The following EVC2 variants were observed in gnomAD, a reference collection of about 807,000 sequenced individuals.
EVC2 encodes EvC ciliary complex subunit 2.
In EVC2, 148 loss-of-function variants were observed where a neutral mutation model predicts 149.3. The ratio of observed to expected loss-of-function variants is 0.99; its 90% CI spans 0.87 to 1.14. EVC2 has a LOEUF of 1.14. Ranked by LOEUF, EVC2 falls within the 50% of genes most tolerant of loss-of-function variation. EVC2 has a pLI of 0.00. For synonymous variants in EVC2, 776 were observed against 649.9 expected, an observed-to-expected ratio of 1.19 and a Z score of -2.95; for missense variants, 1,854 against 1,627.3, an observed-to-expected ratio of 1.14 and a Z score of -2.40.
At chr4:5,660,426 T>C (rs1037545920) in intron 9 of EVC2, among the ~76,000 whole-genome samples, 1 of 152,232 alleles carries the variant, frequency 6.6e-6, no homozygotes, top group African/African-American at 2.4e-5. Context: ...AGTTAAGTAG[T>C]TGCTCCTGAA....
At chr4:5,675,931 C>A (rs981707313) in intron 7 of EVC2, among the ~76,000 whole-genome samples, 7 of 152,174 alleles carry the variant, frequency 4.6e-5, no homozygotes, top group African/African-American at 1.4e-4. Context: ...GCAACAAGAG[C>A]AAAACTCCAT....
chr4:5,595,173 A>T (rs1229919824), intron 16 of EVC2, among the ~76,000 whole-genome samples: 1 of 152,204 alleles, frequency 6.6e-6, no homozygotes, highest in African/African-American at 2.4e-5. Context: ...AACTTCCCCA[A>T]TCTAGCAAGG....
chr4:5,564,819 G>A (rs151326740), intron 21 of EVC2, among the ~76,000 whole-genome samples: 336 of 152,248 alleles, frequency 2.2e-3, no homozygotes, highest in African/African-American at 7.2e-3. Flanking sequence ...GAAAATAAAG[G>A]GGGCAGTGAG....
At chr4:5,561,018 G>A (rs112519703), downstream of EVC2, among the ~76,000 whole-genome samples, 2,629 of 152,264 alleles carry the variant, frequency 0.017, 64 homozygotes, top group African/African-American at 0.059. Flanking sequence ...TCAAATGCTA[G>A]ATTTTGAGCA....
At chr4:5,675,908 C>G (rs1719954456) in intron 7 of EVC2, among the ~76,000 whole-genome samples, 1 of 152,222 alleles carries the variant, frequency 6.6e-6, no homozygotes, top group African/African-American at 2.4e-5. Context: ...CGCGCCATTG[C>G]ACTTCAGCCT....
chr4:5,565,039 G>T (rs1444494950), intron 21 of EVC2, among the ~76,000 whole-genome samples: 3 of 152,212 alleles, frequency 2.0e-5, no homozygotes, highest in Non-Finnish European at 4.4e-5. Context: ...GAATGTAAAT[G>T]TTAATAAATG....
At chr4:5,616,072 C>G (rs979230696) in intron 15 of EVC2, among the ~76,000 whole-genome samples, 2 of 152,194 alleles carry the variant, frequency 1.3e-5, no homozygotes, top group Admixed American at 1.3e-4. Flanking sequence ...GGCAGGGAGC[C>G]CATCAGGCAC....
chr4:5,700,551 G>A lies in EVC2; in HGVS notation c.229-2904C>T, dbSNP rs185515012. Among the ~76,000 whole-genome samples, 7 of 152,232 alleles carry A rather than the reference G, an allele frequency of 4.6e-5. 1 individual carries two copies. The East Asian group carries it at 1.4e-3, about 29-fold the overall frequency. On this transcript the variant is annotated intron_variant, in intron 1 of 21. Coordinates refer to ENST00000344408, the MANE Select transcript of EVC2 (RefSeq NM_147127.5). ...TGGACATTGCCACTCAGGAGGAAGG[G>A]GCAGGTTCCCAGGGAGCAAAGGACC...
rs1720338647 is a variant in EVC2 at position 5,681,438 on chromosome 4, C to T, written c.817-125G>A. On this transcript the variant is annotated intron_variant, in intron 6 of 21. Coordinates refer to ENST00000344408, the MANE Select transcript of EVC2 (RefSeq NM_147127.5). ...AATCAGCCCTAACTGCTGCACAGGT[C>T]AGAGCTTGTGAAGGTCTCACCATCA... The T allele has an allele frequency of 1.4e-5, 14 of 966,342 alleles. No homozygotes were observed. The South Asian group carries it at 1.5e-4, about 10-fold the overall frequency. The allele number at this position is 966,342 out of a possible 1,614,324, so 59.9% of individuals were successfully genotyped here.
Position 5,706,373 on chromosome 4 carries a change from GATAGATAC to G in EVC2, c.228+1905_228+1912del, listed in dbSNP as rs1432567867. ...AGATAGACACATAGATAGATACATA[GATAGATAC>G]ATAGATAGATACATAGATAGATAGA... On this transcript the variant is annotated intron_variant, in intron 1 of 21. Transcript: ENST00000344408. Among the ~76,000 whole-genome samples, 232 of 90,050 alleles carry G rather than the reference GATAGATAC, an allele frequency of 2.6e-3. 24 individuals carry two copies. Among genetic ancestry groups the G allele is most frequent in the Non-Finnish European group, 3.3e-3 (143 of 42,722 alleles). The allele number at this position is 90,050 out of a possible 152,430, so 59.1% of individuals were successfully genotyped here. A position where few individuals can be genotyped will look rare whatever the true frequency, so the allele number is the denominator to read the frequency against.
intron 16 of EVC2, among the ~76,000 whole-genome samples, chr4:5,599,731 TAAAAG>T (rs1713814235): frequency 6.6e-6 from 1 of 151,278 alleles, no homozygotes; most frequent in Non-Finnish European, 1.5e-5. Flanking sequence ...TAAAATAAAA[TAAAAG>T]AAGATTCCCA....
Position 5,661,926 on chromosome 4 carries a change from G to A in EVC2, c.1145+1181C>T, listed in dbSNP as rs145553005. ...CATGGGCTTGTTAAGAGGATTATACGAGTTAGTTCTGTGAAGTTCTTAAAC... is the reference window on the plus strand; with the variant it reads ...CATGGGCTTGTTAAGAGGATTATACAAGTTAGTTCTGTGAAGTTCTTAAAC... On this transcript the variant is annotated intron_variant, in intron 9 of 21. Transcript: ENST00000344408. Among the ~76,000 whole-genome samples the A allele has an allele frequency of 7.9e-5, 12 of 152,318 alleles. No individual in the cohort carries two copies. The East Asian group carries it at 1.4e-3, about 17-fold the overall frequency.
In EVC2 at chr4:5,629,093, G is replaced by A. The variant is rs144773948; in HGVS notation, c.1711-359C>T. On this transcript the variant is annotated intron_variant, in intron 11 of 21. Coordinates refer to ENST00000344408, the MANE Select transcript of EVC2 (RefSeq NM_147127.5). ...GTGCTGAACACCAGGATGAGGTGCT[G>A]AAGTTCTGGGAGAAGTCAGCCATCA... is the stretch of plus-strand genomic sequence containing the variant. Among the ~76,000 whole-genome samples the A allele has an allele frequency of 3.2e-3, 487 of 152,320 alleles. 1 individual carries two copies. The highest frequency in any genetic ancestry group is 0.011 in the African/African-American group (461 of 41,576).
At chr4:5,592,417 G>T (rs371919623) in intron 16 of EVC2, among the ~76,000 whole-genome samples, 1 of 152,214 alleles carries the variant, frequency 6.6e-6, no homozygotes, top group African/African-American at 2.4e-5. Flanking sequence ...ATTGAGAGAG[G>T]TCTTATTGTT....
chr4:5,576,038 T>C lies in EVC2; in HGVS notation c.3272+202A>G, dbSNP rs1722901521. ...AATATTACGTTTGGTAAAACTTCAA[T>C]GATATTAAATTTAAAAAAGAAGGGC... On this transcript the variant is annotated intron_variant, in intron 18 of 21. Coordinates refer to ENST00000344408, the MANE Select transcript of EVC2 (RefSeq NM_147127.5). This position sits in a 1 kb window ranked among gnomAD's most constrained non-coding sequence, Gnocchi z 4.5. 6.6e-6 allele frequency among the ~76,000 whole-genome samples: 1 copy of C among 152,126 alleles called. No individual in the cohort carries two copies. Among genetic ancestry groups the C allele is most frequent in the Non-Finnish European group, 1.5e-5 (1 of 68,034 alleles).
intron 9 of EVC2, among the ~76,000 whole-genome samples, chr4:5,649,522 C>A (rs1400998153): frequency 2.0e-5 from 3 of 151,950 alleles, no homozygotes; most frequent in African/African-American, 7.3e-5. Context: ...TCTTATTTCA[C>A]ATAAAAATTA....
At chr4:5,631,524 G>A (rs907266233) in intron 11 of EVC2, among the ~76,000 whole-genome samples, 1 of 151,318 alleles carries the variant, frequency 6.6e-6, no homozygotes, top group Non-Finnish European at 1.5e-5. Context: ...CGAAACTAAG[G>A]CTCAAAGAAG....
chr4:5,580,905 G>A lies in EVC2; in HGVS notation c.3057+3718C>T, dbSNP rs574827311. On this transcript the variant is annotated intron_variant, in intron 17 of 21. Coordinates refer to ENST00000344408, the MANE Select transcript of EVC2 (RefSeq NM_147127.5). ...ATGAATGGTTTAGTGCCATCCCTTT[G>A]GTGTTGATCTTATGATAGTGAGTGA... 2.4e-4 allele frequency among the ~76,000 whole-genome samples: 36 copies of A among 152,104 alleles called. 1 individual carries two copies. Among genetic ancestry groups the A allele is most frequent in the Middle Eastern group, 3.4e-3 (1 of 294 alleles).
intron 9 of EVC2, among the ~76,000 whole-genome samples, chr4:5,644,642 T>A (rs556058653): frequency 6.6e-6 from 1 of 152,166 alleles, no homozygotes; most frequent in Admixed American, 6.5e-5. Context: ...TGGTAATAAA[T>A]ATCTTTTATT....
Sources: allele counts gnomAD v4.1 joint callset (sites outside exome capture counted in the v4.1 genomes callset), GRCh38; gene constraint gnomAD v4.1.1; non-coding constraint Gnocchi (gnomAD v3.1); transcripts MANE v1.5; gene names NCBI Gene and HGNC (gene_info 2026-07-23, HGNC 2026-07-21).